The following ECHDC1 variants were observed in gnomAD, a reference collection of about 807,000 sequenced individuals.
ECHDC1 encodes the protein ethylmalonyl-CoA decarboxylase.
In ECHDC1, 29 loss-of-function variants were observed where a neutral mutation model predicts 29.7. The observed-to-expected ratio is 0.98, with a 90% CI of 0.73 to 1.33. ECHDC1 has a LOEUF of 1.33. Ranked by LOEUF, ECHDC1 falls within the 40% of genes most tolerant of loss-of-function variation. The probability of loss-of-function intolerance (pLI) is 0.00; values close to 1 mark genes in which losing one functional copy is unlikely to be tolerated. For synonymous variants in ECHDC1, 126 were observed against 123.1 expected, an observed-to-expected ratio of 1.02 and a Z score of -0.15; for missense variants, 328 against 350.0, an observed-to-expected ratio of 0.94 and a Z score of 0.50.
At chr6:127,316,338 T>C (rs561093740) in intron 4 of ECHDC1, 112 bp downstream of exon 4, 16 of 844,400 alleles carry the variant, frequency 1.9e-5, no homozygotes, top group Non-Finnish European at 2.6e-5. Context: ...ATCATTAGAA[T>C]AGATGTAATT....
rs1205105088 is a variant in ECHDC1 at position 127,327,050 on chromosome 6, G to T, written c.315C>A (p.Phe105Leu). Residue 105 changes from phenylalanine (F) to leucine (L), a missense_variant, in exon 3 of 6, where the codon TTC (phenylalanine) becomes TTA (leucine). Phe to Leu is a conservative substitution (Grantham distance 22). Coordinates refer to ENST00000454859, the MANE Select transcript of ECHDC1 (RefSeq NM_001002030.2). ...CAGCATTCAGATCAGATCCTGAAGA[G>T]AAAGTATTTTTTGCCCCACGGACAA... ...GLIVRGAKNT[F>L]SSGSDLNAVK... 3 of 1,614,074 alleles carry T rather than the reference G, an allele frequency of 1.9e-6. No homozygotes were observed. Among genetic ancestry groups the T allele is most frequent in the Non-Finnish European group, 2.5e-6 (3 of 1,180,002 alleles).
chr6:127,289,529 T>C lies in ECHDC1; in HGVS notation c.*340A>G, dbSNP rs1429389654. On this transcript the variant is annotated 3_prime_UTR_variant, in exon 6 of 6. Coordinates refer to ENST00000454859, the MANE Select transcript of ECHDC1 (RefSeq NM_001002030.2). ...TCCAGGTAAAACAGAACAAAAATTG[T>C]ATGAAAAGTAACGCCAGGAATAGGT... 1 of 183,720 alleles carries C rather than the reference T, an allele frequency of 5.4e-6. No individual in the cohort carries two copies. Among genetic ancestry groups the C allele is most frequent in the Non-Finnish European group, 1.1e-5 (1 of 88,474 alleles). The allele number at this position is 183,720 out of a possible 1,614,324, so 11.4% of individuals were successfully genotyped here.
intron 2 of ECHDC1, among the ~76,000 whole-genome samples, chr6:127,330,376 G>A (rs1783812647): frequency 6.6e-6 from 1 of 152,116 alleles, no homozygotes; most frequent in African/African-American, 2.4e-5. Context: ...AACTAACAAT[G>A]ATTTTATTTC....
intron 1 of ECHDC1, among the ~76,000 whole-genome samples, chr6:127,340,491 T>C (rs987272822): frequency 5.3e-5 from 8 of 152,196 alleles, no homozygotes; most frequent in African/African-American, 1.9e-4. Flanking sequence ...GGAATGCTTC[T>C]AGTCTAGGGA....
intron 3 of ECHDC1, among the ~76,000 whole-genome samples, chr6:127,325,528 T>A (rs763274809): frequency 6.6e-6 from 1 of 152,100 alleles, no homozygotes; most frequent in Admixed American, 6.5e-5. Context: ...CATTAAACCA[T>A]CACCACTCTC....
At chr6:127,316,873 G>A (rs889499450) in intron 3 of ECHDC1, among the ~76,000 whole-genome samples, 2 of 150,498 alleles carry the variant, frequency 1.3e-5, no homozygotes, top group African/African-American at 4.9e-5. Flanking sequence ...GAAGGGAAAA[G>A]TTATGTTAAG....
In ECHDC1 at chr6:127,293,033, G is replaced by A; in HGVS notation, c.498-2756C>T. 1.3e-5 allele frequency among the ~76,000 whole-genome samples: 2 copies of A among 152,030 alleles called. 1 individual carries two copies. ...TTAATCAAATGTGGATATATTTCTT[G>A]TTACTACTGTCTGGATGAAACAATG... is the stretch of plus-strand genomic sequence containing the variant. On this transcript the variant is annotated intron_variant, in intron 5 of 5. Coordinates refer to ENST00000454859, the MANE Select transcript of ECHDC1 (RefSeq NM_001002030.2).
intron 1 of ECHDC1, among the ~76,000 whole-genome samples, chr6:127,337,408 C>T (rs1358534570): frequency 6.6e-6 from 1 of 152,194 alleles, no homozygotes; most frequent in Non-Finnish European, 1.5e-5. Flanking sequence ...CCTGAACATT[C>T]CTTTCTATGG....
At chr6:127,302,762 T>C (rs757140276) in intron 5 of ECHDC1, among the ~76,000 whole-genome samples, 26 of 152,314 alleles carry the variant, frequency 1.7e-4, no homozygotes, top group Non-Finnish European at 3.1e-4. Context: ...ATTGAAATTA[T>C]ATATTTCATA....
chr6:127,299,824 A>G (rs1010206174), intron 5 of ECHDC1, among the ~76,000 whole-genome samples: 1 of 152,204 alleles, frequency 6.6e-6, no homozygotes, highest in Non-Finnish European at 1.5e-5. Context: ...TCGATTCACC[A>G]TAAATACCCT....
At chr6:127,327,246 AT>A in intron 2 of ECHDC1, 102 bp from the exon 3 acceptor site, 1 of 1,278,498 alleles carries the variant, frequency 7.8e-7, no homozygotes. Flanking sequence ...TAGGTCCTAT[AT>A]TTTATAAATA....
At chr6:127,310,159 G>A (rs1027982758) in intron 5 of ECHDC1, among the ~76,000 whole-genome samples, 12 of 151,902 alleles carry the variant, frequency 7.9e-5, no homozygotes, top group African/African-American at 2.9e-4. Context: ...AATGAATAAG[G>A]TCTATTGTAC....
chr6:127,339,533 G>A (rs2114714910), intron 1 of ECHDC1, among the ~76,000 whole-genome samples: 1 of 152,058 alleles, frequency 6.6e-6, no homozygotes. Flanking sequence ...AGCACTCTAG[G>A]AGACCAAAGT....
Position 127,325,585 on chromosome 6 carries a change from TTTATTA to T in ECHDC1, c.363+1411_363+1416del, listed in dbSNP as rs771089820. 1.1e-4 allele frequency among the ~76,000 whole-genome samples: 16 copies of T among 151,862 alleles called. No homozygotes were observed. In the South Asian group the frequency reaches 2.1e-3, roughly 20 times the overall value. On this transcript the variant is annotated intron_variant, in intron 3 of 5. Coordinates refer to ENST00000454859, the MANE Select transcript of ECHDC1 (RefSeq NM_001002030.2). The stretch of plus-strand genomic sequence containing the variant: ...CCTCCCAAAGTTTCCTCCCACCCCT[TTTATTA>T]TTATTATTATTAACTTTGTGTGTAT...
At chr6:127,302,384 A>G (rs1253914996) in intron 5 of ECHDC1, among the ~76,000 whole-genome samples, 1 of 151,942 alleles carries the variant, frequency 6.6e-6, no homozygotes, top group South Asian at 2.1e-4. Flanking sequence ...GCACACTTGC[A>G]TGTAGCTTAA....
intron 3 of ECHDC1, among the ~76,000 whole-genome samples, chr6:127,325,831 G>A (rs2114661338): frequency 6.6e-6 from 1 of 152,148 alleles, no homozygotes; most frequent in African/African-American, 2.4e-5. Flanking sequence ...CTCCCAAGTA[G>A]CTGGGACTAC....
At chr6:127,305,810 A>G (rs568092983) in intron 5 of ECHDC1, among the ~76,000 whole-genome samples, 1 of 152,304 alleles carries the variant, frequency 6.6e-6, no homozygotes, top group South Asian at 2.1e-4. Flanking sequence ...CATAAAAGAT[A>G]CACAAAACAA....
intron 5 of ECHDC1, among the ~76,000 whole-genome samples, chr6:127,290,539 ATCTT>A (rs1780073462): frequency 6.6e-6 from 1 of 152,040 alleles, no homozygotes; most frequent in African/African-American, 2.4e-5. Context: ...CCCAAAGTTG[ATCTT>A]TCTTAAGTGA....
intron 5 of ECHDC1, among the ~76,000 whole-genome samples, chr6:127,295,004 A>AGT (rs1354437317): frequency 2.0e-5 from 3 of 149,554 alleles, no homozygotes; most frequent in Non-Finnish European, 3.0e-5. Flanking sequence ...GCTGGAGTGT[A>AGT]GTGGTACAAT....
Sources: gnomAD v4.1 joint callset for allele counts (sites outside exome capture counted in the v4.1 genomes callset) on GRCh38, gnomAD v4.1.1 for gene constraint, MANE v1.5 for transcripts, NCBI Gene and HGNC (gene_info 2026-07-23, HGNC 2026-07-21) for gene names.